The following DTNB variants were observed in gnomAD, a reference collection of about 807,000 sequenced individuals.
DTNB encodes the protein dystrobrevin beta.
DTNB carries 63 observed loss-of-function variants against 90.7 expected under a neutral mutation model. That is an observed-to-expected ratio of 0.69 (90% CI 0.57 to 0.86). The LOEUF (loss-of-function observed/expected upper bound fraction) is 0.86. DTNB is among the 40% of genes least tolerant of loss of function. DTNB has a pLI of 0.00. For synonymous variants in DTNB, 277 were observed against 286.7 expected, an observed-to-expected ratio of 0.97 and a Z score of 0.34; for missense variants, 744 against 807.1, an observed-to-expected ratio of 0.92 and a Z score of 0.95.
intron 9 of DTNB, 59 bp from the exon 10 acceptor site, chr2:25,482,932 A>G (rs2065271767): frequency 6.7e-7 from 1 of 1,503,362 alleles, no homozygotes; most frequent in Non-Finnish European, 9.0e-7. Context: ...AACAAGGGAA[A>G]CGACGATAAG....
At chr2:25,652,742 G>T in intron 1 of DTNB, 81 bp from the exon 2 acceptor site, 3 of 1,434,330 alleles carry the variant, frequency 2.1e-6, no homozygotes, top group South Asian at 1.4e-5. Context: ...TGTGAAGAGG[G>T]ACCGGAAACC....
chr2:25,648,993 C>CTTTTTT (rs60749102), intron 2 of DTNB, among the ~76,000 whole-genome samples: 6 of 93,988 alleles, frequency 6.4e-5, no homozygotes, highest in Admixed American at 1.3e-4. Context: ...TCCTTCCTAC[C>CTTTTTT]TTTTTTTTTT....
In DTNB at chr2:25,618,510, A is replaced by G. The variant is rs1453868711; in HGVS notation, c.362+9661T>C. Reference sequence around the variant, plus strand: ...TTTATACCAGAATCAATTCTCTTCAAACAAGATTTGGAAATGATATTTAAC... The same window carrying G: ...TTTATACCAGAATCAATTCTCTTCAGACAAGATTTGGAAATGATATTTAAC... On this transcript the variant is annotated intron_variant, in intron 4 of 20. Transcript: ENST00000406818. 2.6e-5 allele frequency among the ~76,000 whole-genome samples: 4 copies of G among 152,324 alleles called. No homozygotes were observed. The East Asian group carries it at 7.7e-4, about 29-fold the overall frequency.
intron 16 of DTNB, chr2:25,388,608 AAAG>A (rs2040205041): frequency 2.0e-6 from 1 of 489,052 alleles, no homozygotes; most frequent in Non-Finnish European, 3.6e-6. Flanking sequence ...AATGGGAGGG[AAAG>A]AAGAGGCTGG....
chr2:25,626,885 G>A (rs1456568839), intron 4 of DTNB, among the ~76,000 whole-genome samples: 1 of 152,132 alleles, frequency 6.6e-6, no homozygotes, highest in Non-Finnish European at 1.5e-5. Context: ...TGGAACTCTT[G>A]GTTCACAGAA....
At chr2:25,430,946 A>G (rs1289843761) in intron 14 of DTNB, among the ~76,000 whole-genome samples, 1 of 152,160 alleles carries the variant, frequency 6.6e-6, no homozygotes, top group Non-Finnish European at 1.5e-5. Flanking sequence ...GCTCATAGCC[A>G]CTCACCCTAT....
chr2:25,432,851 T>C lies in DTNB; in HGVS notation c.1457+35A>G, dbSNP rs2054381929. 6 of 1,556,722 alleles carry C rather than the reference T, an allele frequency of 3.9e-6. 1 individual carries two copies. In the Admixed American group the frequency reaches 5.7e-5, roughly 15 times the overall value. On this transcript the variant is annotated intron_variant, in intron 14 of 20. Coordinates refer to ENST00000406818, the MANE Select transcript of DTNB (RefSeq NM_021907.5). ...TCAGATAAGTTCCATCCATAGTAGATTACATGTGGCAAGTGGTAGAGTGTC... is the reference window on the plus strand; with the variant it reads ...TCAGATAAGTTCCATCCATAGTAGACTACATGTGGCAAGTGGTAGAGTGTC...
chr2:25,660,539 T>C (rs964230820), intron 1 of DTNB, among the ~76,000 whole-genome samples: 16 of 152,198 alleles, frequency 1.1e-4, no homozygotes, highest in African/African-American at 3.9e-4. Context: ...TCTAGAAATA[T>C]ACTAAAAACC....
At chr2:25,504,044 G>A (rs1250055910) in intron 9 of DTNB, among the ~76,000 whole-genome samples, 1 of 152,220 alleles carries the variant, frequency 6.6e-6, no homozygotes, top group Admixed American at 6.5e-5. Flanking sequence ...GAAGTGGGCA[G>A]ATCACCTGAG....
At chr2:25,551,870 T>G (rs74823285) in intron 8 of DTNB, among the ~76,000 whole-genome samples, 4,156 of 152,338 alleles carry the variant, frequency 0.027, 88 homozygotes, top group Non-Finnish European at 0.042. Flanking sequence ...TCTTTTACTT[T>G]ATAATAATAG....
intron 12 of DTNB, among the ~76,000 whole-genome samples, chr2:25,438,226 C>T (rs1315387129): frequency 6.6e-6 from 1 of 152,068 alleles, no homozygotes; most frequent in Non-Finnish European, 1.5e-5. Flanking sequence ...TTTTGGCTTC[C>T]CTGGGCCACA....
chr2:25,520,166 G>A (rs949677816), intron 9 of DTNB, among the ~76,000 whole-genome samples: 15 of 152,236 alleles, frequency 9.9e-5, no homozygotes, highest in South Asian at 2.1e-4. Flanking sequence ...GGTGGATGAC[G>A]AGGTCAGGAG....
chr2:25,413,355 T>C (rs986069942), intron 16 of DTNB, among the ~76,000 whole-genome samples: 1 of 152,026 alleles, frequency 6.6e-6, no homozygotes, highest in African/African-American at 2.4e-5. Context: ...CATGTTGGTG[T>C]GCTGCACCCA....
At chr2:25,378,540 T>C (rs1189312450) in intron 20 of DTNB, among the ~76,000 whole-genome samples, 2 of 140,024 alleles carry the variant, frequency 1.4e-5, no homozygotes, top group African/African-American at 5.2e-5. Context: ...ACTTCTTTAT[T>C]CGAGGAAGAT....
intron 8 of DTNB, among the ~76,000 whole-genome samples, chr2:25,539,828 T>C (rs73922415): frequency 6.6e-6 from 1 of 152,304 alleles, no homozygotes; most frequent in African/African-American, 2.4e-5. Flanking sequence ...AATTACCGTC[T>C]AAAACGTTTT....
chr2:25,529,401 CA>C (rs1018400574), intron 9 of DTNB, among the ~76,000 whole-genome samples: 1 of 151,684 alleles, frequency 6.6e-6, no homozygotes, highest in Non-Finnish European at 1.5e-5. Context: ...GTGAAAGGGC[CA>C]TCTTTAAAAC....
intron 9 of DTNB, among the ~76,000 whole-genome samples, chr2:25,509,290 G>T (rs2073351530): frequency 6.6e-6 from 1 of 152,162 alleles, no homozygotes; most frequent in African/African-American, 2.4e-5. Context: ...TGGTAGCTAG[G>T]TAGGTTTTTC....
intron 10 of DTNB, among the ~76,000 whole-genome samples, chr2:25,469,595 A>G (rs916122446): frequency 6.6e-6 from 1 of 152,120 alleles, no homozygotes; most frequent in East Asian, 1.9e-4. Flanking sequence ...ATAGGCACTT[A>G]CCACCACGCC....
At chr2:25,393,742 T>C (rs940706221) in intron 16 of DTNB, among the ~76,000 whole-genome samples, 1 of 152,120 alleles carries the variant, frequency 6.6e-6, no homozygotes. Context: ...AAAGAAATCA[T>C]AGATGACATG....
Sources: allele counts gnomAD v4.1 joint callset (sites outside exome capture counted in the v4.1 genomes callset), GRCh38; gene constraint gnomAD v4.1.1; transcripts MANE v1.5; gene names NCBI Gene and HGNC (gene_info 2026-07-23, HGNC 2026-07-21).